Variants in GRIN2B observed in about 807,000 individuals in gnomAD.
The protein encoded by GRIN2B is glutamate receptor ionotropic, NMDA 2B.
In GRIN2B, 5 loss-of-function variants were observed where a neutral mutation model predicts 114.5. That is an observed-to-expected ratio of 0.04 (90% CI 0.02 to 0.09). The LOEUF is 0.09. Ranked by LOEUF, GRIN2B falls within the 10% of genes least tolerant of loss-of-function variation. The probability of loss-of-function intolerance (pLI) is 1.00; values close to 1 mark genes in which losing one functional copy is unlikely to be tolerated. For synonymous variants in GRIN2B, 787 were observed against 745.1 expected, an observed-to-expected ratio of 1.06 and a Z score of -0.92; for missense variants, 1,108 against 1,943.5, an observed-to-expected ratio of 0.57 and a Z score of 8.08.
Position 13,547,981 on chromosome 12 carries a change from A to ATATATATATATATTTTTTTTTTTTTT in GRIN2B, c.*14801_*14802insAAAAAAAAAAAAAATATATATATATA. The ATATATATATATATTTTTTTTTTTTTT allele has an allele frequency of 4.3e-3, 292 of 68,178 alleles. 1 individual carries two copies. The highest frequency in any genetic ancestry group is 6.4e-3 in the Non-Finnish European group (217 of 34,102). 4.2% of individuals were successfully genotyped at this position (68,178 alleles called of 1,614,324 possible). ...TGTGTATATATATATATATATATATATTTTTTTTTTTTTTCTGAAAGCTAC... is the reference window on the plus strand; with the variant it reads ...TGTGTATATATATATATATATATATATATATATATATATTTTTTTTTTTTTTTTTTTTTTTTTTTTCTGAAAGCTAC... On this transcript the variant is annotated 3_prime_UTR_variant, in exon 14 of 14. Coordinates refer to ENST00000609686, the MANE Select transcript of GRIN2B (RefSeq NM_000834.5).
intron 3 of GRIN2B, among the ~76,000 whole-genome samples, chr12:13,762,344 C>T (rs1460727344): frequency 6.6e-6 from 1 of 152,130 alleles, no homozygotes; most frequent in Non-Finnish European, 1.5e-5. Context: ...CCAAAATTGC[C>T]TTATCTCATC....
intron 2 of GRIN2B, among the ~76,000 whole-genome samples, chr12:13,910,690 C>G (rs1866614609): frequency 1.3e-5 from 2 of 152,192 alleles, no homozygotes; most frequent in Non-Finnish European, 2.9e-5. Context: ...ATAAACCTCA[C>G]TGTGTCATTC....
At chr12:13,856,752 C>A (rs1418129898) in intron 3 of GRIN2B, among the ~76,000 whole-genome samples, 1 of 152,126 alleles carries the variant, frequency 6.6e-6, no homozygotes, top group African/African-American at 2.4e-5. Flanking sequence ...CTGCCCTTGA[C>A]CCACTTCTCT....
At chr12:13,620,367 T>C (rs922953294) in intron 5 of GRIN2B, among the ~76,000 whole-genome samples, 24 of 152,292 alleles carry the variant, frequency 1.6e-4, no homozygotes, top group South Asian at 1.0e-3. Context: ...ATTGTGCTCA[T>C]CTCTTCCCAA....
At chr12:13,828,421 T>C (rs2136700444) in intron 3 of GRIN2B, among the ~76,000 whole-genome samples, 2 of 152,292 alleles carry the variant, frequency 1.3e-5, no homozygotes, top group Middle Eastern at 6.8e-3. Flanking sequence ...AGACATGGAA[T>C]TTCACCTATA....
chr12:13,730,673 G>A (rs544691397), intron 4 of GRIN2B, among the ~76,000 whole-genome samples: 16 of 152,092 alleles, frequency 1.1e-4, no homozygotes, highest in East Asian at 1.9e-4. Flanking sequence ...CCTACACCTC[G>A]TAATAGGGGG....
At chr12:13,902,601 G>A (rs965741415) in intron 2 of GRIN2B, among the ~76,000 whole-genome samples, 18 of 152,162 alleles carry the variant, frequency 1.2e-4, no homozygotes, top group African/African-American at 4.3e-4. Flanking sequence ...ACCTGAGGTC[G>A]AGAATTCGAG....
intron 4 of GRIN2B, among the ~76,000 whole-genome samples, chr12:13,700,047 A>G (rs1456847760): frequency 1.3e-5 from 2 of 152,146 alleles, no homozygotes; most frequent in Admixed American, 1.3e-4. Flanking sequence ...GTAACTGGGC[A>G]GAGGCAGCTC....
intron 2 of GRIN2B, among the ~76,000 whole-genome samples, chr12:13,948,591 CAAAGACTATTCACTCA>C: frequency 6.6e-6 from 1 of 152,204 alleles, no homozygotes; most frequent in Admixed American, 6.5e-5. Context: ...GGTGACTTAA[CAAAGACTATTCACTCA>C]AAAGCCACAT....
At chr12:13,710,166 T>C (rs1264710248) in intron 4 of GRIN2B, among the ~76,000 whole-genome samples, 1 of 152,010 alleles carries the variant, frequency 6.6e-6, no homozygotes, top group Non-Finnish European at 1.5e-5. Flanking sequence ...AAGCCAGACA[T>C]ACAGTAAGAT....
chr12:13,833,570 C>T lies in GRIN2B; in HGVS notation c.411+32228G>A, dbSNP rs187119958. On this transcript the variant is annotated intron_variant, in intron 3 of 13. Transcript: ENST00000609686. ...AGATACTCCACATCTTGAATTCCTA[C>T]TATCTGGCTTATCTCCCACTCTGAC... 4.6e-5 allele frequency among the ~76,000 whole-genome samples: 7 copies of T among 152,346 alleles called. No homozygotes were observed. In the East Asian group the frequency reaches 1.3e-3, roughly 29 times the overall value.
chr12:13,725,495 T>G (rs986796761), intron 4 of GRIN2B, among the ~76,000 whole-genome samples: 5 of 152,112 alleles, frequency 3.3e-5, no homozygotes, highest in Non-Finnish European at 7.4e-5. Flanking sequence ...AAACAACCGA[T>G]TCTTCAGCTA....
chr12:13,563,504 C>G lies in GRIN2B; in HGVS notation c.3734G>C (p.Cys1245Ser). The change falls in exon 14 of 14, where the codon TGC becomes TCC. Residue 1245 changes from cysteine (C) to serine (S), a missense_variant. By Grantham distance (112) the Cys-to-Ser change is moderately radical (BLOSUM62 -1). This residue lies in a region of GRIN2B where 478 missense variants were observed against 506.0 expected (regional missense o/e 0.94). Coordinates refer to ENST00000609686, the MANE Select transcript of GRIN2B (RefSeq NM_000834.5). ...GTCATACAGGTTGCCTGCTTTCTTGCAAGCCTCACACCGGATGCACGCCTG... is the reference window on the plus strand; with the variant it reads ...GTCATACAGGTTGCCTGCTTTCTTGGAAGCCTCACACCGGATGCACGCCTG... The part of the protein sequence containing the change: ...GRQACIRCEA[C>S]KKAGNLYDIS... 1 of 1,614,144 alleles carries G rather than the reference C, an allele frequency of 6.2e-7. No homozygotes were observed. The highest frequency in any genetic ancestry group is 8.5e-7 in the Non-Finnish European group (1 of 1,180,038).
At chr12:13,718,041 T>A (rs1950472965) in intron 4 of GRIN2B, among the ~76,000 whole-genome samples, 1 of 152,046 alleles carries the variant, frequency 6.6e-6, no homozygotes, top group Non-Finnish European at 1.5e-5. Context: ...TAATGATGAT[T>A]CATTCCCTGC....
chr12:13,864,090 C>T (rs1198373533), intron 3 of GRIN2B, among the ~76,000 whole-genome samples: 1 of 152,210 alleles, frequency 6.6e-6, no homozygotes, highest in African/African-American at 2.4e-5. Flanking sequence ...TCCCACTTCC[C>T]TTAGCATGGG....
At chr12:13,758,867 C>A (rs1202819208) in intron 3 of GRIN2B, among the ~76,000 whole-genome samples, 2 of 152,104 alleles carry the variant, frequency 1.3e-5, no homozygotes, top group African/African-American at 4.8e-5. Context: ...ATAAACTATA[C>A]CTTGTTCATC....
chr12:13,810,323 C>T (rs1378410008), intron 3 of GRIN2B, among the ~76,000 whole-genome samples: 5 of 151,672 alleles, frequency 3.3e-5, no homozygotes, highest in African/African-American at 1.2e-4. Flanking sequence ...TCAAGCGATT[C>T]TCATGCCTCA....
chr12:13,927,066 T>C (rs144529820), intron 2 of GRIN2B, among the ~76,000 whole-genome samples: 221 of 151,804 alleles, frequency 1.5e-3, no homozygotes, highest in African/African-American at 5.1e-3. Flanking sequence ...GAGTGAAAGA[T>C]AAAATAAGAC....
intron 4 of GRIN2B, among the ~76,000 whole-genome samples, chr12:13,692,409 G>A (rs1009950219): frequency 6.6e-6 from 1 of 152,058 alleles, no homozygotes; most frequent in African/African-American, 2.4e-5. Flanking sequence ...ACATATTTTT[G>A]TTCAATTTGT....
Sources: allele counts gnomAD v4.1 joint callset (sites outside exome capture counted in the v4.1 genomes callset), GRCh38; gene constraint gnomAD v4.1.1; regional missense constraint gnomAD v4.1.1; transcripts MANE v1.5; gene names NCBI Gene and HGNC (gene_info 2026-07-23, HGNC 2026-07-21).